MMS22L: variants seen among roughly 807,000 people sequenced by gnomAD.
MMS22L encodes protein MMS22-like.
A neutral mutation model predicts 159.1 loss-of-function variants in MMS22L; 74 were observed. The observed-to-expected ratio is 0.47, with a 90% CI of 0.39 to 0.56. MMS22L has a LOEUF of 0.56. Among genes scored for constraint, MMS22L ranks in the 20% least tolerant of loss-of-function variants. The pLI is 0.00. For synonymous variants in MMS22L, 517 were observed against 506.9 expected, an observed-to-expected ratio of 1.02 and a Z score of -0.27; for missense variants, 1,351 against 1,422.1, an observed-to-expected ratio of 0.95 and a Z score of 0.80.
At chr6:97,214,397 A>C (rs566928131) in intron 14 of MMS22L, among the ~76,000 whole-genome samples, 3 of 152,244 alleles carry the variant, frequency 2.0e-5, no homozygotes, top group Non-Finnish European at 4.4e-5. Flanking sequence ...AAAGTTGTTG[A>C]TGATATAGTA....
chr6:97,256,641 A>G (rs1457337534), intron 9 of MMS22L, among the ~76,000 whole-genome samples: 1 of 152,158 alleles, frequency 6.6e-6, no homozygotes, highest in Non-Finnish European at 1.5e-5. Context: ...CAGCTGCCCA[A>G]TTGTCACTCT....
rs1296202266 is a variant in MMS22L, at chr6:97,145,157, C to T, written c.*1649G>A. The stretch of plus-strand genomic sequence containing the variant: ...GACTGCTGGAACTTTCCAAGCCATA[C>T]ATTATTTGTTTAGTAAGTCACTATC... On this transcript the variant is annotated 3_prime_UTR_variant, in exon 25 of 25. Transcript: ENST00000683635. 1.1e-4 allele frequency: 16 copies of T among 151,750 alleles called. No individual in the cohort carries two copies. Among genetic ancestry groups the T allele is most frequent in the Admixed American group, 1.1e-3 (16 of 15,228 alleles). 9.4% of individuals were successfully genotyped at this position (151,750 alleles called of 1,614,324 possible). A position where few individuals can be genotyped will look rare whatever the true frequency, so the allele number is the denominator to read the frequency against.
In MMS22L at chr6:97,165,396, C is replaced by T. The variant is rs776292266; in HGVS notation, c.3071G>A (p.Gly1024Glu). Residue 1024 changes from glycine (G) to glutamate (E), a missense_variant, in exon 21 of 25, where the codon GGG (glycine) becomes GAG (glutamate). Gly to Glu is a moderately conservative substitution (Grantham distance 98). Transcript: ENST00000683635. Reference protein sequence around the residue: ...NPNAYLNQLLGNVIEQYIGRF... With the variant: ...NPNAYLNQLLENVIEQYIGRF... ...CCCAATATACTGCTCAATAACATTC[C>T]CTAGCAATTGATTCAAATAGGCATT... The T allele has an allele frequency of 6.8e-6, 11 of 1,612,982 alleles. No homozygotes were observed. The highest frequency in any genetic ancestry group is 8.5e-6 in the Non-Finnish European group (10 of 1,179,550).
chr6:97,266,186 G>C (rs1250292086), intron 8 of MMS22L: 1 of 151,900 alleles, frequency 6.6e-6, no homozygotes, highest in African/African-American at 2.4e-5. Flanking sequence ...CAGAGAGGAA[G>C]TGGTGACAAG....
intron 9 of MMS22L, among the ~76,000 whole-genome samples, chr6:97,258,208 T>C (rs1421444684): frequency 6.6e-6 from 1 of 152,214 alleles, no homozygotes; most frequent in East Asian, 1.9e-4. Context: ...TTAATATCTT[T>C]AAAAAGTGAG....
At chr6:97,272,565 A>T in intron 6 of MMS22L, 139 bp downstream of exon 6, 1 of 686,582 alleles carries the variant, frequency 1.5e-6, no homozygotes, top group Non-Finnish European at 2.4e-6. Context: ...TAATAAAAGG[A>T]GGATGGGGGG....
chr6:97,204,604 C>A (rs1269697170), intron 14 of MMS22L, among the ~76,000 whole-genome samples: 1 of 152,042 alleles, frequency 6.6e-6, no homozygotes, highest in African/African-American at 2.4e-5. Context: ...CTAGCCTGGG[C>A]AATAAGTGAG....
chr6:97,236,111 T>C (rs1220964331), intron 11 of MMS22L, among the ~76,000 whole-genome samples: 1 of 151,642 alleles, frequency 6.6e-6, no homozygotes, highest in Non-Finnish European at 1.5e-5. Flanking sequence ...GTGGATCACC[T>C]GAGGTCAGGA....
intron 14 of MMS22L, among the ~76,000 whole-genome samples, chr6:97,188,941 G>T (rs1478938788): frequency 6.6e-6 from 1 of 151,824 alleles, no homozygotes; most frequent in African/African-American, 2.4e-5. Context: ...CAACTTGGGT[G>T]ACAGAGCAAG....
chr6:97,226,082 A>G (rs926776435), intron 14 of MMS22L, among the ~76,000 whole-genome samples: 6 of 152,212 alleles, frequency 3.9e-5, no homozygotes, highest in African/African-American at 1.2e-4. Context: ...CCACAAGTAC[A>G]CAGAAATACA....
chr6:97,144,903 A>G lies in MMS22L; in HGVS notation c.*1903T>C, dbSNP rs1432495186. 2 of 152,034 alleles carry G rather than the reference A, an allele frequency of 1.3e-5. No individual in the cohort carries two copies. The highest frequency in any genetic ancestry group is 2.9e-5 in the Non-Finnish European group (2 of 67,978). The allele number at this position is 152,034 out of a possible 1,614,324, so 9.4% of individuals were successfully genotyped here. A position where few individuals can be genotyped will look rare whatever the true frequency, so the allele number is the denominator to read the frequency against. On this transcript the variant is annotated 3_prime_UTR_variant, in exon 25 of 25. Coordinates refer to ENST00000683635, the MANE Select transcript of MMS22L (RefSeq NM_001350599.2). ...CAAATTTTAGTTATTCTTAGTATCT[A>G]TAGATATATGTCCTAAAGCATGATT...
chr6:97,254,759 C>T (rs750741029), intron 9 of MMS22L, 26 bp from the exon 10 acceptor site: 62 of 1,523,600 alleles, frequency 4.1e-5, no homozygotes, highest in Non-Finnish European at 9.7e-6. Flanking sequence ...TAATTTGATT[C>T]CATTAAGACA....
At chr6:97,211,595 T>G (rs1808380746) in intron 14 of MMS22L, among the ~76,000 whole-genome samples, 1 of 152,150 alleles carries the variant, frequency 6.6e-6, no homozygotes, top group African/African-American at 2.4e-5. Flanking sequence ...CATAAACTTT[T>G]TAAAATGCAC....
At chr6:97,188,885 C>T (rs1376917775) in intron 14 of MMS22L, among the ~76,000 whole-genome samples, 1 of 151,886 alleles carries the variant, frequency 6.6e-6, no homozygotes, top group Non-Finnish European at 1.5e-5. Context: ...TTGCTTGAAC[C>T]CAGGAGGTGG....
At chr6:97,256,325 G>A (rs976413315) in intron 9 of MMS22L, among the ~76,000 whole-genome samples, 1 of 152,064 alleles carries the variant, frequency 6.6e-6, no homozygotes, top group Non-Finnish European at 1.5e-5. Flanking sequence ...ACTCACTTTA[G>A]ATGGTACTAT....
intron 14 of MMS22L, among the ~76,000 whole-genome samples, chr6:97,220,993 C>T (rs1353034245): frequency 4.2e-5 from 5 of 118,276 alleles, no homozygotes; most frequent in Admixed American, 1.8e-4. Context: ...CACACACACA[C>T]ACACACACAC....
At chr6:97,155,537 C>T (rs1801748544) in intron 22 of MMS22L, among the ~76,000 whole-genome samples, 1 of 152,138 alleles carries the variant, frequency 6.6e-6, no homozygotes, top group Admixed American at 6.5e-5. Context: ...TTGTTCAACT[C>T]CCACTTATAA....
intron 14 of MMS22L, among the ~76,000 whole-genome samples, chr6:97,199,746 A>G (rs981357325): frequency 2.0e-5 from 3 of 152,004 alleles, no homozygotes; most frequent in Admixed American, 6.6e-5. Context: ...AGTAAGAGTC[A>G]AAAAGTACCT....
chr6:97,188,557 ATCATC>A lies in MMS22L; in HGVS notation c.2040-1872_2040-1868del, dbSNP rs1805497420. 2.0e-5 allele frequency among the ~76,000 whole-genome samples: 3 copies of A among 152,232 alleles called. No individual in the cohort carries two copies. In the South Asian group the frequency reaches 6.2e-4, roughly 31 times the overall value. ...CACATGGCTAGAAAGGGCTGGCCCC[ATCATC>A]TGAACTTAAATCTGACTCTGAAGCC... is the stretch of plus-strand genomic sequence containing the variant. On this transcript the variant is annotated intron_variant, in intron 14 of 24. Coordinates refer to ENST00000683635, the MANE Select transcript of MMS22L (RefSeq NM_001350599.2).
Sources: allele counts gnomAD v4.1 joint callset (sites outside exome capture counted in the v4.1 genomes callset), GRCh38; gene constraint gnomAD v4.1.1; transcripts MANE v1.5; gene names NCBI Gene and HGNC (gene_info 2026-07-23, HGNC 2026-07-21).